The following CSMD1 variants were observed in gnomAD, a reference collection of about 807,000 sequenced individuals.
CSMD1 encodes the protein CUB and Sushi multiple domains 1.
A neutral mutation model predicts 417.5 loss-of-function variants in CSMD1; 213 were observed. That is an observed-to-expected ratio of 0.51 (90% CI 0.46 to 0.57). CSMD1 has a LOEUF of 0.57. CSMD1 is among the 20% of genes least tolerant of loss of function. CSMD1 has a pLI of 0.00. For synonymous variants in CSMD1, 2,862 were observed against 1,736.8 expected, an observed-to-expected ratio of 1.65 and a Z score of -16.11; for missense variants, 6,923 against 4,529.7, an observed-to-expected ratio of 1.53 and a Z score of -15.17.
At chr8:3,651,236 C>T (rs991258576) in intron 7 of CSMD1, among the ~76,000 whole-genome samples, 3 of 152,138 alleles carry the variant, frequency 2.0e-5, no homozygotes, top group East Asian at 1.9e-4. Context: ...TAAGACAGAT[C>T]GTATCACCCC....
chr8:4,232,633 G>T (rs903983885), intron 3 of CSMD1, among the ~76,000 whole-genome samples: 22 of 152,086 alleles, frequency 1.4e-4, no homozygotes, highest in Non-Finnish European at 1.2e-4. Context: ...TAGATGAAGG[G>T]TATTTCATCA....
At chr8:3,826,673 G>A (rs1467115548) in intron 5 of CSMD1, among the ~76,000 whole-genome samples, 2 of 152,102 alleles carry the variant, frequency 1.3e-5, no homozygotes, top group African/African-American at 2.4e-5. Flanking sequence ...TGGGTTTTGA[G>A]GAACCAACTC....
intron 3 of CSMD1, among the ~76,000 whole-genome samples, chr8:4,055,969 A>T (rs999451123): frequency 3.3e-5 from 5 of 151,814 alleles, no homozygotes; most frequent in Non-Finnish European, 7.4e-5. Context: ...ACCCTACCTG[A>T]GTTTTCCCCT....
chr8:3,882,978 T>A (rs1203038678), intron 5 of CSMD1, among the ~76,000 whole-genome samples: 2 of 152,176 alleles, frequency 1.3e-5, no homozygotes, highest in Non-Finnish European at 2.9e-5. Context: ...TTGTTGACTC[T>A]CAATAGCTGA....
chr8:4,396,820 G>A (rs1804257887), intron 3 of CSMD1, among the ~76,000 whole-genome samples: 2 of 152,048 alleles, frequency 1.3e-5, no homozygotes, highest in Non-Finnish European at 2.9e-5. Context: ...TAAGAAGTGG[G>A]AGCTAAGCTA....
At chr8:4,326,919 G>C (rs1182341218) in intron 3 of CSMD1, among the ~76,000 whole-genome samples, 1 of 152,144 alleles carries the variant, frequency 6.6e-6, no homozygotes, top group African/African-American at 2.4e-5. Flanking sequence ...AGTAAGTTAG[G>C]AGCCATAATC....
rs982416565 is a variant in CSMD1, at chr8:4,718,167, G to A, written c.86-80609C>T. Among the ~76,000 whole-genome samples, 3 of 152,168 alleles carry A rather than the reference G, an allele frequency of 2.0e-5. No individual in the cohort carries two copies. In the East Asian group the frequency reaches 5.8e-4, roughly 29 times the overall value. On this transcript the variant is annotated intron_variant, in intron 1 of 69. Transcript: ENST00000635120. ...ATTTTACATTATTTTTGTACAGACA[G>A]GGTCTACCTATGTAGCCCAGGCTGG... is the stretch of plus-strand genomic sequence containing the variant.
At chr8:3,392,679 A>T (rs960038553) in intron 17 of CSMD1, among the ~76,000 whole-genome samples, 1 of 152,050 alleles carries the variant, frequency 6.6e-6, no homozygotes, top group African/African-American at 2.4e-5. Context: ...TTTCATCATG[A>T]GTTCCCTGAA....
intron 1 of CSMD1, among the ~76,000 whole-genome samples, chr8:4,861,796 G>A (rs960238986): frequency 6.6e-5 from 10 of 151,852 alleles, no homozygotes; most frequent in Admixed American, 2.0e-4. Flanking sequence ...ATAACTTTTT[G>A]CTCAAAATTT....
intron 5 of CSMD1, among the ~76,000 whole-genome samples, chr8:3,779,477 C>T (rs547160469): frequency 2.6e-5 from 4 of 151,976 alleles, no homozygotes; most frequent in African/African-American, 9.7e-5. Context: ...TAAAACAATC[C>T]TTTTATAGTA....
At chr8:4,890,426 G>A (rs779118389) in intron 1 of CSMD1, among the ~76,000 whole-genome samples, 5 of 151,594 alleles carry the variant, frequency 3.3e-5, no homozygotes, top group East Asian at 2.0e-4. Context: ...GCGTGACTCC[G>A]ACACCCTCCC....
In CSMD1 at chr8:2,935,489, A is replaced by T. The variant is rs1801390992; in HGVS notation, c.*3096T>A. ...ACTGTTCATTTTAACAGGCCACTTTAATATTAATACATGTGTAATAGGATT... is the reference window on the plus strand; with the variant it reads ...ACTGTTCATTTTAACAGGCCACTTTTATATTAATACATGTGTAATAGGATT... On this transcript the variant is annotated 3_prime_UTR_variant, in exon 70 of 70. Coordinates refer to ENST00000635120, the MANE Select transcript of CSMD1 (RefSeq NM_033225.6). The T allele has an allele frequency of 6.6e-6, 1 of 152,218 alleles. No homozygotes were observed. The highest frequency in any genetic ancestry group is 6.5e-5 in the Admixed American group (1 of 15,290). 9.4% of individuals were successfully genotyped at this position (152,218 alleles called of 1,614,324 possible). A position where few individuals can be genotyped will look rare whatever the true frequency, so the allele number is the denominator to read the frequency against.
At position 3,018,614 on chromosome 8, in the gene CSMD1, C is replaced by T. The variant is rs369344908; in HGVS notation, c.7892G>A (p.Gly2631Asp). The T allele has an allele frequency of 6.2e-7, 1 of 1,611,762 alleles. No individual in the cohort carries two copies. Among genetic ancestry groups the T allele is most frequent in the African/African-American group, 1.3e-5 (1 of 74,498 alleles). ...AACTGTCAACGTTCCAATCTTGTTG[C>T]CATTTGGGGGAAAGGAAAGGCTTCC... ...SCGSLSFPPNGNKIGTLTVYG... is the reference protein window; with the variant it reads ...SCGSLSFPPNDNKIGTLTVYG... Residue 2631 changes from glycine (G) to aspartate (D), a missense_variant, in exon 52 of 70, where the codon GGC becomes GAC. Transcript: ENST00000635120.
In CSMD1 at chr8:4,430,760, T is replaced by C. The variant is rs1389232817; in HGVS notation, c.303-10695A>G. On this transcript the variant is annotated intron_variant, in intron 2 of 69. Coordinates refer to ENST00000635120, the MANE Select transcript of CSMD1 (RefSeq NM_033225.6). ...AAACAGCATCCACATAATGTATGTT[T>C]ATGACAATCAAACCATTTACAAATG... is the stretch of plus-strand genomic sequence containing the variant. Among the ~76,000 whole-genome samples the C allele has an allele frequency of 2.6e-5, 4 of 152,164 alleles. No homozygotes were observed. In the South Asian group the frequency reaches 6.2e-4, roughly 24 times the overall value.
At chr8:3,552,410 T>A (rs1308971024) in intron 10 of CSMD1, among the ~76,000 whole-genome samples, 1 of 152,222 alleles carries the variant, frequency 6.6e-6, no homozygotes, top group Non-Finnish European at 1.5e-5. Flanking sequence ...AATAAACAGT[T>A]CATAACAATT....
chr8:3,971,136 G>A (rs1282903430), intron 5 of CSMD1, among the ~76,000 whole-genome samples: 2 of 151,074 alleles, frequency 1.3e-5, no homozygotes, highest in African/African-American at 2.4e-5. Context: ...ATCACACGGT[G>A]TTAAATATTC....
chr8:3,478,812 A>T (rs73174876), intron 11 of CSMD1, among the ~76,000 whole-genome samples: 36,049 of 152,076 alleles, frequency 0.24, 4,818 homozygotes, highest in South Asian at 0.33. Context: ...CGAAGAAAAA[A>T]TATCTAAGAA....
chr8:4,559,106 C>T lies in CSMD1; in HGVS notation c.302+78236G>A, dbSNP rs528907884. Among the ~76,000 whole-genome samples, 36 of 152,230 alleles carry T rather than the reference C, an allele frequency of 2.4e-4. 2 individuals carry two copies. In the South Asian group the frequency reaches 6.8e-3, roughly 29 times the overall value. ...AAAACTCTGCTGCTGCATGTTTATA[C>T]TTCACTGGGGTTAAATACGCAAATA... On this transcript the variant is annotated intron_variant, in intron 2 of 69. Coordinates refer to ENST00000635120, the MANE Select transcript of CSMD1 (RefSeq NM_033225.6).
chr8:4,962,697 A>C (rs941956598), intron 1 of CSMD1, among the ~76,000 whole-genome samples: 1 of 152,124 alleles, frequency 6.6e-6, no homozygotes, highest in African/African-American at 2.4e-5. Flanking sequence ...GGTGGAAGGG[A>C]TGTGCAAGAT....
Sources: allele counts gnomAD v4.1 joint callset (sites outside exome capture counted in the v4.1 genomes callset), GRCh38; gene constraint gnomAD v4.1.1; transcripts MANE v1.5; gene names NCBI Gene and HGNC (gene_info 2026-07-23, HGNC 2026-07-21).